Variants in TENM4 observed in about 807,000 individuals in gnomAD.
The protein encoded by TENM4 is teneurin-4.
In TENM4, 82 loss-of-function variants were observed where a neutral mutation model predicts 243.3. The ratio of observed to expected loss-of-function variants is 0.34; its 90% CI spans 0.28 to 0.40. The LOEUF (loss-of-function observed/expected upper bound fraction) is 0.40, where lower values mean the gene tolerates loss of function less well. Among genes scored for constraint, TENM4 ranks in the 10% least tolerant of loss-of-function variants. The pLI, the probability that TENM4 is intolerant of heterozygous loss-of-function variation, is 1.00. For synonymous variants in TENM4, 1,412 were observed against 1,456.3 expected, an observed-to-expected ratio of 0.97 and a Z score of 0.69; for missense variants, 3,138 against 3,673.3, an observed-to-expected ratio of 0.85 and a Z score of 3.77.
chr11:79,386,057 G>T (rs1312718059), intron 1 of TENM4, among the ~76,000 whole-genome samples: 1 of 152,184 alleles, frequency 6.6e-6, no homozygotes, highest in African/African-American at 2.4e-5. Flanking sequence ...ATACACTTTA[G>T]AATCAGATAG....
chr11:79,122,395 T>C lies in TENM4; in HGVS notation c.-66+26315A>G, dbSNP rs541709102. Among the ~76,000 whole-genome samples the C allele has an allele frequency of 1.6e-4, 25 of 152,232 alleles. No individual in the cohort carries two copies. In the South Asian group the frequency reaches 4.4e-3, roughly 27 times the overall value. ...AGCCCATTTAAAGATTAAAAGGTGA[T>C]TTTTAAAAAGTGGGGTTCTATGGGA... On this transcript the variant is annotated intron_variant, in intron 4 of 33. Coordinates refer to ENST00000278550, the MANE Select transcript of TENM4 (RefSeq NM_001098816.3).
intron 1 of TENM4, among the ~76,000 whole-genome samples, chr11:79,373,457 A>G (rs1232648142): frequency 6.7e-6 from 1 of 149,800 alleles, no homozygotes; most frequent in African/African-American, 2.5e-5. Flanking sequence ...TGGCTCGTTG[A>G]AAGGTTGGCT....
chr11:79,374,970 C>T (rs1174172984), intron 1 of TENM4, among the ~76,000 whole-genome samples: 1 of 152,192 alleles, frequency 6.6e-6, no homozygotes, highest in Non-Finnish European at 1.5e-5. Flanking sequence ...TGCCACTTTG[C>T]CCTTTTTTCT....
chr11:79,031,904 GGCCAGA>G (rs1470146456), intron 6 of TENM4, among the ~76,000 whole-genome samples: 1 of 152,100 alleles, frequency 6.6e-6, no homozygotes, highest in Admixed American at 6.5e-5. Context: ...GCATCTAATG[GGCCAGA>G]GCCAGGGATG....
rs181421685 is a variant in TENM4, at chr11:79,065,057, C to A, written c.224-50G>T. The stretch of plus-strand genomic sequence containing the variant: ...GGTTAGGGCACTGAGATGAGGTCTG[C>A]GTCTGCCTCTGCCTGAAGCCTGGCC... On this transcript the variant is annotated intron_variant, in intron 5 of 33. Coordinates refer to ENST00000278550, the MANE Select transcript of TENM4 (RefSeq NM_001098816.3). 935 of 1,437,130 alleles carry A rather than the reference C, an allele frequency of 6.5e-4. 3 individuals carry two copies. The highest frequency in any genetic ancestry group is 1.7e-3 in the Middle Eastern group (9 of 5,368). 89.0% of individuals were successfully genotyped at this position (1,437,130 alleles called of 1,614,324 possible). A position where few individuals can be genotyped will look rare whatever the true frequency, so the allele number is the denominator to read the frequency against.
chr11:79,004,911 G>C (rs186650173), intron 6 of TENM4, among the ~76,000 whole-genome samples: 3 of 133,598 alleles, frequency 2.2e-5, no homozygotes, highest in Admixed American at 7.6e-5. Context: ...AATGACAAAG[G>C]TGACATTATT....
chr11:78,750,580 G>A (rs572333218), intron 19 of TENM4, among the ~76,000 whole-genome samples: 1 of 152,130 alleles, frequency 6.6e-6, no homozygotes, highest in African/African-American at 2.4e-5. Context: ...TGTAGGCTCA[G>A]GGGGCAGACG....
chr11:78,738,360 C>A, intron 20 of TENM4, 91 bp downstream of exon 20: 1 of 1,492,898 alleles, frequency 6.7e-7, no homozygotes, highest in Non-Finnish European at 9.0e-7. Flanking sequence ...AAGACCCATC[C>A]TCTTTCCACA....
intron 7 of TENM4, among the ~76,000 whole-genome samples, chr11:78,897,662 T>C (rs947745761): frequency 6.6e-6 from 1 of 152,146 alleles, no homozygotes; most frequent in Admixed American, 6.5e-5. Context: ...CAAAAGACGG[T>C]GAGCTTCTTA....
chr11:78,977,594 A>C (rs1034761920), intron 6 of TENM4, among the ~76,000 whole-genome samples: 1 of 152,226 alleles, frequency 6.6e-6, no homozygotes, highest in Non-Finnish European at 1.5e-5. Flanking sequence ...CATTTGTAGA[A>C]AAGGAGCTTT....
intron 1 of TENM4, among the ~76,000 whole-genome samples, chr11:79,329,580 A>G (rs965202289): frequency 1.3e-5 from 2 of 152,210 alleles, no homozygotes; most frequent in African/African-American, 2.4e-5. Context: ...GACTTCTCTG[A>G]GAAGGTGGTA....
chr11:78,846,890 CT>C (rs1858408411), intron 12 of TENM4, among the ~76,000 whole-genome samples: 1 of 152,140 alleles, frequency 6.6e-6, no homozygotes, highest in South Asian at 2.1e-4. Context: ...TGAGAGAACC[CT>C]AATTTTGTTG....
At position 79,064,767 on chromosome 11, in the gene TENM4, G is replaced by A. The variant is rs954382330; in HGVS notation, c.464C>T (p.Thr155Ile). 1.3e-6 allele frequency: 2 copies of A among 1,551,552 alleles called. No individual in the cohort carries two copies. The highest frequency in any genetic ancestry group is 1.4e-5 in the African/African-American group (1 of 73,034). The change falls in exon 6 of 34, where the codon ACC becomes ATC. Residue 155 changes from threonine (T) to isoleucine (I), a missense_variant. Thr to Ile is a moderately conservative substitution (Grantham distance 89). This residue lies in a region of TENM4 where 671 missense variants were observed against 614.1 expected (regional missense o/e 1.09). Transcript: ENST00000278550. The stretch of plus-strand genomic sequence containing the variant: ...CTCAGTGTTTTCATGCTCGGTGTCG[G>A]TGAGTGTGAGATTGGAATTGGCCCG... The part of the protein sequence containing the change: ...SSRANSNLTL[T>I]DTEHENTETD...
chr11:79,306,528 G>C (rs902741389), intron 1 of TENM4, among the ~76,000 whole-genome samples: 2 of 152,166 alleles, frequency 1.3e-5, no homozygotes, highest in African/African-American at 4.8e-5. Context: ...GGCAAGATAG[G>C]TGGGCTGAGG....
intron 1 of TENM4, among the ~76,000 whole-genome samples, chr11:79,307,077 A>T (rs1011171503): frequency 3.9e-5 from 6 of 152,212 alleles, no homozygotes; most frequent in South Asian, 4.1e-4. Context: ...CTCACTGATG[A>T]CTTACCATGT....
In TENM4 at chr11:79,297,719, G is replaced by A. The variant is rs778792285; in HGVS notation, c.-320-176C>T. On this transcript the variant is annotated intron_variant, in intron 1 of 33. Transcript: ENST00000278550. The stretch of plus-strand genomic sequence containing the variant: ...AAAATGAAGTGCAATAATAAATTAC[G>A]CATGATAATTAATAGTTATGTGTCA... Among the ~76,000 whole-genome samples, 6 of 152,132 alleles carry A rather than the reference G, an allele frequency of 3.9e-5. 1 individual carries two copies. In the South Asian group the frequency reaches 6.2e-4, roughly 16 times the overall value.
chr11:79,272,720 G>T (rs1239157937), intron 2 of TENM4, among the ~76,000 whole-genome samples: 1 of 152,014 alleles, frequency 6.6e-6, no homozygotes, highest in Non-Finnish European at 1.5e-5. Flanking sequence ...AACCCACTTT[G>T]CTGGGCTGAC....
At chr11:79,175,715 T>C (rs1211901412) in intron 3 of TENM4, among the ~76,000 whole-genome samples, 1 of 152,222 alleles carries the variant, frequency 6.6e-6, no homozygotes, top group Non-Finnish European at 1.5e-5. Context: ...TTTTCTTCCA[T>C]TCTCATATCT....
chr11:78,784,205 G>GT (rs557387130), intron 16 of TENM4, among the ~76,000 whole-genome samples: 2 of 152,156 alleles, frequency 1.3e-5, no homozygotes, highest in Admixed American at 6.5e-5. Context: ...CACATCAGCA[G>GT]TTTTTTTCTT....
Sources: allele counts gnomAD v4.1 joint callset (sites outside exome capture counted in the v4.1 genomes callset), GRCh38; gene constraint gnomAD v4.1.1; regional missense constraint gnomAD v4.1.1; transcripts MANE v1.5; gene names NCBI Gene and HGNC (gene_info 2026-07-23, HGNC 2026-07-21).